Variants in ZFAND3 observed in about 807,000 individuals in gnomAD.
ZFAND3 encodes zinc finger AN1-type containing 3, also known as AN1-type zinc finger protein 3.
Under a neutral mutation model 29.6 loss-of-function variants are expected in ZFAND3, and 10 were observed. The ratio of observed to expected loss-of-function variants is 0.34; its 90% confidence interval spans 0.21 to 0.57. The LOEUF is 0.57. Ranked by LOEUF, ZFAND3 falls within the 20% of genes least tolerant of loss-of-function variation. The pLI, the probability that ZFAND3 is intolerant of heterozygous loss-of-function variation, is 0.86. For missense variants in ZFAND3, 230 were observed against 304.5 expected (o/e 0.76, Z 1.82); for synonymous variants, 128 against 112.6 (o/e 1.14, Z -0.87).
chr6:38,010,162 C>A (rs560433062), intron 2 of ZFAND3, among the ~76,000 whole-genome samples: 2 of 152,206 alleles, frequency 1.3e-5, no homozygotes, highest in Non-Finnish European at 2.9e-5. Flanking sequence ...TGAGAACCAG[C>A]CCTGGACAGG....
chr6:37,920,935 T>C (rs909183327), intron 1 of ZFAND3, among the ~76,000 whole-genome samples: 1 of 152,166 alleles, frequency 6.6e-6, no homozygotes, highest in Non-Finnish European at 1.5e-5. Flanking sequence ...CTGTAGGAAG[T>C]TAGTTTTTCT....
At chr6:37,846,715 T>TG (rs907468441) in intron 1 of ZFAND3, among the ~76,000 whole-genome samples, 122 of 151,360 alleles carry the variant, frequency 8.1e-4, no homozygotes, top group Middle Eastern at 3.4e-3. Context: ...TTTTTTTTTT[T>TG]TTGTTTTTTT....
At chr6:37,846,058 G>A (rs547842964) in intron 1 of ZFAND3, among the ~76,000 whole-genome samples, 2 of 152,132 alleles carry the variant, frequency 1.3e-5, no homozygotes, top group Non-Finnish European at 2.9e-5. Flanking sequence ...TTAAATACCT[G>A]TACAGCTTTT....
rs371729626 is a variant in ZFAND3, at chr6:38,128,822, T to C, written c.529+12083T>C. The stretch of plus-strand genomic sequence containing the variant: ...ATAAACATCCATGTGCAAGTATCTT[T>C]TTTGTATAATGACTTCTTTTCCTCT... On this transcript the variant is annotated intron_variant, in intron 5 of 5. Transcript: ENST00000287218. Among the ~76,000 whole-genome samples, 8 of 152,340 alleles carry C rather than the reference T, an allele frequency of 5.3e-5. No homozygotes were observed. In the South Asian group the frequency reaches 1.0e-3, roughly 20 times the overall value.
chr6:37,873,171 T>G (rs1322140151), intron 1 of ZFAND3, among the ~76,000 whole-genome samples: 1 of 152,110 alleles, frequency 6.6e-6, no homozygotes, highest in Non-Finnish European at 1.5e-5. Flanking sequence ...CTTGGGAGGC[T>G]GAGGCAGGAG....
intron 1 of ZFAND3, among the ~76,000 whole-genome samples, chr6:37,925,549 G>T (rs1761467556): frequency 1.3e-5 from 2 of 151,882 alleles, no homozygotes; most frequent in Admixed American, 6.6e-5. Context: ...CTAAAAAATA[G>T]AAAAATTAGC....
chr6:38,058,639 G>C (rs1019100315), intron 2 of ZFAND3, among the ~76,000 whole-genome samples: 5 of 152,142 alleles, frequency 3.3e-5, no homozygotes, highest in Non-Finnish European at 5.9e-5. Flanking sequence ...TTGACATGGA[G>C]GTCTCTTTCT....
chr6:38,041,740 T>C (rs1365634875), intron 2 of ZFAND3, among the ~76,000 whole-genome samples: 26 of 1,504 alleles, frequency 0.017, 9 homozygotes, highest in Admixed American at 0.05. Flanking sequence ...CTCCTCCTCC[T>C]CCTCCTCCTC....
chr6:37,869,466 G>T (rs890378834), intron 1 of ZFAND3, among the ~76,000 whole-genome samples: 3 of 151,244 alleles, frequency 2.0e-5, no homozygotes, highest in Non-Finnish European at 4.4e-5. Flanking sequence ...CCGTTATTTT[G>T]TCTTTCATTC....
intron 1 of ZFAND3, among the ~76,000 whole-genome samples, chr6:37,855,744 A>G (rs375915715): frequency 2.0e-5 from 3 of 152,312 alleles, no homozygotes; most frequent in East Asian, 3.9e-4. Flanking sequence ...TTTGAAAAAG[A>G]AGAGCATATG....
chr6:38,128,215 C>T (rs1001895603), intron 5 of ZFAND3, among the ~76,000 whole-genome samples: 6 of 152,132 alleles, frequency 3.9e-5, no homozygotes, highest in African/African-American at 1.4e-4. Flanking sequence ...AAGTTATGTC[C>T]TTTCCAAAGC....
intron 1 of ZFAND3, among the ~76,000 whole-genome samples, chr6:37,892,448 A>G (rs1457358088): frequency 1.3e-5 from 2 of 152,164 alleles, no homozygotes; most frequent in Admixed American, 6.5e-5. Flanking sequence ...TAAAAAATGT[A>G]TTGGATGGAG....
intron 4 of ZFAND3, among the ~76,000 whole-genome samples, chr6:38,096,568 C>T (rs1197311446): frequency 6.6e-6 from 1 of 152,144 alleles, no homozygotes; most frequent in East Asian, 1.9e-4. Context: ...CTTGCTAGGT[C>T]CCTTAGATCT....
intron 2 of ZFAND3, among the ~76,000 whole-genome samples, chr6:37,997,930 G>A (rs1398417994): frequency 6.6e-6 from 1 of 152,158 alleles, no homozygotes; most frequent in Non-Finnish European, 1.5e-5. Context: ...AGCAGAATTG[G>A]AAGATTGTTC....
chr6:38,037,521 T>A (rs1318803025), intron 2 of ZFAND3, among the ~76,000 whole-genome samples: 1 of 152,214 alleles, frequency 6.6e-6, no homozygotes, highest in Non-Finnish European at 1.5e-5. Flanking sequence ...TCGGATTGCG[T>A]GTGAACTTGG....
intron 2 of ZFAND3, among the ~76,000 whole-genome samples, chr6:37,939,370 G>T (rs927544605): frequency 1.3e-5 from 2 of 152,168 alleles, no homozygotes; most frequent in East Asian, 3.8e-4. Flanking sequence ...CTTCTCCCCT[G>T]TGAGTCTCTA....
chr6:37,895,547 A>G (rs1205283782), intron 1 of ZFAND3, among the ~76,000 whole-genome samples: 1 of 147,742 alleles, frequency 6.8e-6, no homozygotes, highest in Admixed American at 6.8e-5. Context: ...TACAAAAAAC[A>G]TGAACATACG....
In ZFAND3 at chr6:38,128,771, T is replaced by G. The variant is rs551633960; in HGVS notation, c.529+12032T>G. Among the ~76,000 whole-genome samples the G allele has an allele frequency of 3.1e-3, 467 of 152,334 alleles. 3 individuals carry two copies. Among genetic ancestry groups the G allele is most frequent in the African/African-American group, 0.011 (444 of 41,562 alleles). On this transcript the variant is annotated intron_variant, in intron 5 of 5. Coordinates refer to ENST00000287218, the MANE Select transcript of ZFAND3 (RefSeq NM_021943.3). ...GATGGGCATTTGGGTTGGTTCTACG[T>G]TTTTGCAATTGCAAATTGTGCTACC...
intron 1 of ZFAND3, among the ~76,000 whole-genome samples, chr6:37,853,861 A>C (rs1200689280): frequency 6.6e-6 from 1 of 152,206 alleles, no homozygotes; most frequent in Non-Finnish European, 1.5e-5. Context: ...TAATCTTACA[A>C]TGTCTATTGT....
Sources: allele counts gnomAD v4.1 joint callset (sites outside exome capture counted in the v4.1 genomes callset), GRCh38; gene constraint gnomAD v4.1.1; transcripts MANE v1.5; gene names NCBI Gene and HGNC (gene_info 2026-07-23, HGNC 2026-07-21).